The following SEMA3D variants were observed in gnomAD, a reference collection of about 807,000 sequenced individuals.
The protein encoded by SEMA3D is semaphorin-3D.
In SEMA3D, 84 loss-of-function variants were observed where a neutral mutation model predicts 100.1. The ratio of observed to expected loss-of-function variants is 0.84; its 90% CI spans 0.70 to 1.01. The LOEUF (loss-of-function observed/expected upper bound fraction) is 1.01. Ranked by LOEUF, SEMA3D falls within the 50% of genes least tolerant of loss-of-function variation. The pLI is 0.00. For missense variants in SEMA3D, 875 were observed against 934.1 expected (o/e 0.94, Z 0.82); for synonymous variants, 312 against 320.7 (o/e 0.97, Z 0.29).
At position 84,998,030 on chromosome 7, in the gene SEMA3D, T is replaced by A. The variant is rs1156360739; in HGVS notation, c.*1410A>T. 1 of 152,160 alleles carries A rather than the reference T, an allele frequency of 6.6e-6. No homozygotes were observed. The highest frequency in any genetic ancestry group is 1.9e-4 in the East Asian group (1 of 5,198). 9.4% of individuals were successfully genotyped at this position (152,160 alleles called of 1,614,324 possible). A position where few individuals can be genotyped will look rare whatever the true frequency, so the allele number is the denominator to read the frequency against. ...TTTTACATGTAGCAGGCTTATTTAT[T>A]GTTAAATTACAAAAACAATACTACA... On this transcript the variant is annotated 3_prime_UTR_variant, in exon 19 of 19. Coordinates refer to ENST00000284136, the MANE Select transcript of SEMA3D (RefSeq NM_001384900.1).
upstream of SEMA3D, among the ~76,000 whole-genome samples, chr7:85,189,076 C>G (rs982178242): frequency 6.6e-6 from 1 of 152,034 alleles, no homozygotes; most frequent in Non-Finnish European, 1.5e-5. Flanking sequence ...CATGAGAAAA[C>G]AACATCTGGA....
intron 2 of SEMA3D, among the ~76,000 whole-genome samples, chr7:85,151,195 G>C (rs1281933720): frequency 6.6e-6 from 1 of 151,676 alleles, no homozygotes; most frequent in African/African-American, 2.4e-5. Context: ...AAAAATTGCT[G>C]CAAAAACCCT....
chr7:85,240,856 T>A, the SEMA3D span, among the ~76,000 whole-genome samples: 3 of 152,050 alleles, frequency 2.0e-5, no homozygotes, highest in African/African-American at 7.2e-5. Context: ...ATTTCTCTTA[T>A]TAGAAATTTG....
At chr7:85,007,281 T>C (rs977051590) in intron 17 of SEMA3D, among the ~76,000 whole-genome samples, 4 of 151,876 alleles carry the variant, frequency 2.6e-5, no homozygotes, top group African/African-American at 9.7e-5. Flanking sequence ...TTAATACTTT[T>C]TTGTTAATAT....
At chr7:85,152,509 C>A (rs1790458298) in intron 2 of SEMA3D, among the ~76,000 whole-genome samples, 2 of 151,964 alleles carry the variant, frequency 1.3e-5, no homozygotes, top group Admixed American at 6.6e-5. Context: ...ATGTTAATCA[C>A]AATCTTATAG....
At chr7:85,210,776 G>A in the SEMA3D span, among the ~76,000 whole-genome samples, 1 of 151,924 alleles carries the variant, frequency 6.6e-6, no homozygotes, top group Admixed American at 6.6e-5. Flanking sequence ...AATTATTATT[G>A]TCTAATTTGT....
chr7:85,245,606 T>C, the SEMA3D span, among the ~76,000 whole-genome samples: 1 of 152,194 alleles, frequency 6.6e-6, no homozygotes, highest in Non-Finnish European at 1.5e-5. Flanking sequence ...AACTTCAACA[T>C]TTATCTTACT....
At chr7:85,012,645 G>A in intron 17 of SEMA3D, 137 bp downstream of exon 17, 1 of 575,562 alleles carries the variant, frequency 1.7e-6, no homozygotes, top group Non-Finnish European at 3.1e-6. Flanking sequence ...ATTTCCTGTT[G>A]CTCTTCCAGA....
chr7:85,249,573 A>T, the SEMA3D span, among the ~76,000 whole-genome samples: 1 of 152,194 alleles, frequency 6.6e-6, no homozygotes, highest in Non-Finnish European at 1.5e-5. Context: ...ATCCCTTGAA[A>T]ATATCACACT....
chr7:85,051,134 T>A (rs983786136), intron 9 of SEMA3D, among the ~76,000 whole-genome samples: 1 of 151,884 alleles, frequency 6.6e-6, no homozygotes, highest in African/African-American at 2.4e-5. Context: ...CAAATTCATA[T>A]GATCTTATTA....
chr7:85,070,308 TG>T (rs1310264363), intron 6 of SEMA3D, among the ~76,000 whole-genome samples: 2 of 152,172 alleles, frequency 1.3e-5, no homozygotes, highest in Non-Finnish European at 2.9e-5. Flanking sequence ...CCCTCAAACT[TG>T]CTACTACTCT....
intron 17 of SEMA3D, among the ~76,000 whole-genome samples, chr7:85,007,496 A>G (rs1288097385): frequency 6.6e-6 from 1 of 151,770 alleles, no homozygotes; most frequent in East Asian, 1.9e-4. Flanking sequence ...TCTGGGCCTT[A>G]TCTGTATTAA....
the SEMA3D span, among the ~76,000 whole-genome samples, chr7:85,222,360 C>T: frequency 4.6e-5 from 7 of 151,854 alleles, no homozygotes; most frequent in Non-Finnish European, 1.0e-4. Flanking sequence ...CATTCCAATG[C>T]AATGGCAATG....
At chr7:85,198,437 T>C in the SEMA3D span, among the ~76,000 whole-genome samples, 1 of 152,050 alleles carries the variant, frequency 6.6e-6, no homozygotes, top group African/African-American at 2.4e-5. Context: ...TTGGGATTAT[T>C]CAGGAATACT....
chr7:85,199,314 CGTT>C, the SEMA3D span, among the ~76,000 whole-genome samples: 2 of 136,112 alleles, frequency 1.5e-5, no homozygotes, highest in South Asian at 2.7e-4. Context: ...TTAACATTAT[CGTT>C]ATTATCATTA....
intron 3 of SEMA3D, among the ~76,000 whole-genome samples, chr7:85,111,185 T>A (rs928910141): frequency 1.3e-5 from 2 of 152,070 alleles, no homozygotes; most frequent in African/African-American, 4.8e-5. Context: ...TGAATTCTGC[T>A]TCATCCCTTA....
chr7:85,039,714 CA>C (rs1187733728), intron 11 of SEMA3D, among the ~76,000 whole-genome samples: 1 of 152,106 alleles, frequency 6.6e-6, no homozygotes, highest in Non-Finnish European at 1.5e-5. Flanking sequence ...CCTCTTTGAG[CA>C]AGTGATGAAA....
At chr7:85,029,159 A>G (rs1438366187) in intron 12 of SEMA3D, 6 of 647,060 alleles carry the variant, frequency 9.3e-6, no homozygotes, top group Non-Finnish European at 1.5e-5. Flanking sequence ...ATAAAAACCT[A>G]CTTCGCAAGT....
chr7:85,056,625 C>CAT (rs1270232456), intron 8 of SEMA3D, among the ~76,000 whole-genome samples: 2 of 148,876 alleles, frequency 1.3e-5, no homozygotes, highest in Non-Finnish European at 3.0e-5. Flanking sequence ...ATATATATAG[C>CAT]ATATATATAG....
Sources: allele counts gnomAD v4.1 joint callset (sites outside exome capture counted in the v4.1 genomes callset), GRCh38; gene constraint gnomAD v4.1.1; transcripts MANE v1.5; gene names NCBI Gene and HGNC (gene_info 2026-07-23, HGNC 2026-07-21).